Variants in FYB1 observed in about 807,000 individuals in gnomAD.
The protein encoded by FYB1 is FYN-binding protein 1.
In FYB1, 41 loss-of-function variants were observed where a neutral mutation model predicts 94.1. The ratio of observed to expected loss-of-function variants is 0.44; its 90% CI spans 0.34 to 0.57. The LOEUF (loss-of-function observed/expected upper bound fraction) is 0.57. Ranked by LOEUF, FYB1 falls within the 20% of genes least tolerant of loss-of-function variation. FYB1 has a pLI of 0.02. For missense variants in FYB1, 1,050 were observed against 976.8 expected, an observed-to-expected ratio of 1.07 and a Z score of -1.00; for synonymous variants, 367 against 353.2, an observed-to-expected ratio of 1.04 and a Z score of -0.44.
intron 16 of FYB1, among the ~76,000 whole-genome samples, chr5:39,117,259 T>G (rs1739660087): frequency 6.6e-6 from 1 of 152,206 alleles, no homozygotes; most frequent in Non-Finnish European, 1.5e-5. Context: ...GCTTTCTTAC[T>G]TTTTCTACCA....
At chr5:39,165,327 A>C (rs1580434806) in intron 2 of FYB1, among the ~76,000 whole-genome samples, 1 of 152,230 alleles carries the variant, frequency 6.6e-6, no homozygotes, top group Non-Finnish European at 1.5e-5. Flanking sequence ...GAGCCCAGAA[A>C]GAAAGCCACA....
At chr5:39,246,972 T>G (rs1751502099) in intron 1 of FYB1, among the ~76,000 whole-genome samples, 1 of 151,254 alleles carries the variant, frequency 6.6e-6, no homozygotes, top group Admixed American at 6.6e-5. Flanking sequence ...TTATGTCATC[T>G]GAAAATGGGA....
At chr5:39,180,449 T>A (rs1476046175) in intron 2 of FYB1, among the ~76,000 whole-genome samples, 1 of 152,180 alleles carries the variant, frequency 6.6e-6, no homozygotes. Flanking sequence ...TGTAACAGCA[T>A]ATGTGATGAG....
At chr5:39,270,660 A>G in intron 1 of FYB1, 1 of 1,295,018 alleles carries the variant, frequency 7.7e-7, no homozygotes, top group South Asian at 1.4e-5. Context: ...AGCTATGCAG[A>G]GTGTACTTCC....
chr5:39,206,731 C>A (rs696742), intron 1 of FYB1, among the ~76,000 whole-genome samples: 1 of 152,060 alleles, frequency 6.6e-6, no homozygotes, highest in Admixed American at 6.5e-5. Context: ...GTGACCTTCC[C>A]TAGTTCTCTC....
chr5:39,193,487 C>G (rs1294546396), intron 2 of FYB1, among the ~76,000 whole-genome samples: 1 of 152,170 alleles, frequency 6.6e-6, no homozygotes, highest in Non-Finnish European at 1.5e-5. Flanking sequence ...TTCAAAAAGT[C>G]ATGGCTAAGG....
At chr5:39,183,003 C>T (rs116541566) in intron 2 of FYB1, among the ~76,000 whole-genome samples, 1,542 of 152,224 alleles carry the variant, frequency 0.01, 15 homozygotes, top group Middle Eastern at 0.02. Context: ...CCTTGTGTCT[C>T]CTATAGGTGT....
At chr5:39,155,796 A>T (rs1219739248) in intron 2 of FYB1, among the ~76,000 whole-genome samples, 2 of 152,150 alleles carry the variant, frequency 1.3e-5, no homozygotes. Flanking sequence ...TGTTGCTCCT[A>T]AATCATTTAG....
chr5:39,153,626 A>T, intron 2 of FYB1, 22 bp from the exon 3 acceptor site: 1 of 1,581,252 alleles, frequency 6.3e-7, no homozygotes, highest in Non-Finnish European at 8.6e-7. Flanking sequence ...AGCAAACAAT[A>T]CCATGAATTA....
At chr5:39,270,732 G>C in intron 1 of FYB1, 1 of 539,856 alleles carries the variant, frequency 1.9e-6, no homozygotes, top group Non-Finnish European at 3.1e-6. Flanking sequence ...ACATTTGCAT[G>C]TTATCTCAAC....
At chr5:39,184,268 T>C (rs1319635524) in intron 2 of FYB1, among the ~76,000 whole-genome samples, 2 of 152,172 alleles carry the variant, frequency 1.3e-5, no homozygotes, top group Non-Finnish European at 2.9e-5. Context: ...TATTTTGAAG[T>C]TCTGTTATTG....
In FYB1 at chr5:39,106,845, T is replaced by C. The variant is rs896823439; in HGVS notation, c.*598A>G. ...TCGTATCAAATAATTAACATTTATA[T>C]ACAATTAACAAATAAGGACAAATTT... On this transcript the variant is annotated 3_prime_UTR_variant, in exon 19 of 19. Transcript: ENST00000512982. 8 of 152,102 alleles carry C rather than the reference T, an allele frequency of 5.3e-5. No individual in the cohort carries two copies. Among genetic ancestry groups the C allele is most frequent in the African/African-American group, 1.2e-4 (5 of 41,460 alleles). 9.4% of individuals were successfully genotyped at this position (152,102 alleles called of 1,614,324 possible). A position where few individuals can be genotyped will look rare whatever the true frequency, so the allele number is the denominator to read the frequency against.
chr5:39,106,053 G>A lies in FYB1; in HGVS notation c.*1390C>T, dbSNP rs1303730759. The A allele has an allele frequency of 6.6e-6, 1 of 152,032 alleles. No homozygotes were observed. Among genetic ancestry groups the A allele is most frequent in the African/African-American group, 2.4e-5 (1 of 41,380 alleles). The allele number at this position is 152,032 out of a possible 1,614,324, so 9.4% of individuals were successfully genotyped here. The stretch of plus-strand genomic sequence containing the variant: ...ATGGGCCTTTGCAATATTAAAATGT[G>A]GAGAATGCATTAATCATTATTTAAT... On this transcript the variant is annotated 3_prime_UTR_variant, in exon 19 of 19. Transcript: ENST00000512982.
intron 1 of FYB1, among the ~76,000 whole-genome samples, chr5:39,217,367 G>T (rs1003149551): frequency 6.6e-6 from 1 of 152,178 alleles, no homozygotes; most frequent in Non-Finnish European, 1.5e-5. Flanking sequence ...GGTTCACACA[G>T]TTGGGCTAAA....
rs1739903275 is a variant in FYB1, at chr5:39,119,654, A to G, written c.2139-20T>C. The stretch of plus-strand genomic sequence containing the variant: ...CCTTGACTAGAACGGCAGAACACAC[A>G]TAAAACAACACTTTGTTTAGAAAAT... On this transcript the variant is annotated intron_variant, in intron 14 of 18. Transcript: ENST00000512982. 6.7e-7 allele frequency: 1 copy of G among 1,482,006 alleles called. No homozygotes were observed. The allele number at this position is 1,482,006 out of a possible 1,614,324, so 91.8% of individuals were successfully genotyped here.
intron 2 of FYB1, among the ~76,000 whole-genome samples, chr5:39,177,041 T>A (rs1745799098): frequency 6.6e-6 from 1 of 152,228 alleles, no homozygotes; most frequent in African/African-American, 2.4e-5. Context: ...TGTTTCTGAC[T>A]TTGAAAGATG....
At chr5:39,147,292 C>A (rs1236277013) in intron 3 of FYB1, among the ~76,000 whole-genome samples, 1 of 150,626 alleles carries the variant, frequency 6.6e-6, no homozygotes, top group African/African-American at 2.4e-5. Context: ...TTTTTGGAGA[C>A]AGGATCTTAC....
chr5:39,216,275 G>A (rs1386750077), intron 1 of FYB1, among the ~76,000 whole-genome samples: 2 of 152,024 alleles, frequency 1.3e-5, no homozygotes, highest in Admixed American at 6.5e-5. Context: ...TGTATAATAC[G>A]ATTTTTAATA....
At chr5:39,153,372 A>G in intron 3 of FYB1, 76 bp downstream of exon 3, 1 of 1,545,858 alleles carries the variant, frequency 6.5e-7, no homozygotes, top group Non-Finnish European at 8.9e-7. Context: ...TGGAACTCTC[A>G]GCATTTGACC....
Sources: allele counts gnomAD v4.1 joint callset (sites outside exome capture counted in the v4.1 genomes callset), GRCh38; gene constraint gnomAD v4.1.1; transcripts MANE v1.5; gene names NCBI Gene and HGNC (gene_info 2026-07-23, HGNC 2026-07-21).